The following CPS1 variants were observed in gnomAD, a reference collection of about 807,000 sequenced individuals.
CPS1 encodes carbamoyl-phosphate synthase [ammonia], mitochondrial.
A neutral mutation model predicts 174.6 loss-of-function variants in CPS1; 109 were observed. That is an observed-to-expected ratio of 0.62 (90% CI 0.53 to 0.73). CPS1 has a LOEUF of 0.73. CPS1 is among the 30% of genes least tolerant of loss of function. CPS1 has a pLI of 0.00. For synonymous variants in CPS1, 637 were observed against 632.0 expected, an observed-to-expected ratio of 1.01 and a Z score of -0.12; for missense variants, 1,689 against 1,821.9, an observed-to-expected ratio of 0.93 and a Z score of 1.33.
At chr2:210,643,470 C>T (rs2371007) in intron 25 of CPS1, among the ~76,000 whole-genome samples, 1 of 151,908 alleles carries the variant, frequency 6.6e-6, no homozygotes, top group African/African-American at 2.4e-5. Context: ...AAATTGGAAC[C>T]AAAATACTTA....
At chr2:210,521,596 A>G (rs546395458) in intron 1 of CPS1, among the ~76,000 whole-genome samples, 23 of 152,094 alleles carry the variant, frequency 1.5e-4, no homozygotes, top group African/African-American at 5.3e-4. Context: ...TTCTTCTGCA[A>G]TATATACTTT....
At chr2:210,508,612 C>T (rs1282787112) in intron 1 of CPS1, among the ~76,000 whole-genome samples, 2 of 152,054 alleles carry the variant, frequency 1.3e-5, no homozygotes, top group Non-Finnish European at 2.9e-5. Flanking sequence ...AAAAGATCAA[C>T]AAAATTGATA....
At chr2:210,619,599 C>G (rs1699435700) in intron 21 of CPS1, 1 of 151,826 alleles carries the variant, frequency 6.6e-6, no homozygotes, top group Non-Finnish European at 1.5e-5. Context: ...TCTTAATTTC[C>G]TTTATGATGC....
intron 28 of CPS1, among the ~76,000 whole-genome samples, chr2:210,652,908 AGAG>A (rs1382897999): frequency 2.0e-5 from 3 of 152,214 alleles, no homozygotes; most frequent in Non-Finnish European, 4.4e-5. Flanking sequence ...TTTAAGGCAG[AGAG>A]GAGAAGAAAG....
chr2:210,508,714 C>T (rs1021743388), intron 1 of CPS1, among the ~76,000 whole-genome samples: 2 of 152,178 alleles, frequency 1.3e-5, no homozygotes, highest in African/African-American at 4.8e-5. Context: ...ACTGATCCTA[C>T]AGAAATACAA....
intron 1 of CPS1, among the ~76,000 whole-genome samples, chr2:210,542,558 A>C (rs1696460833): frequency 6.6e-6 from 1 of 151,994 alleles, no homozygotes; most frequent in Non-Finnish European, 1.5e-5. Context: ...CCCTCCTAAC[A>C]AAAACCAATC....
At chr2:210,577,269 CATTG>C (rs1697743544) in intron 3 of CPS1, 148 bp from the exon 4 acceptor site, 4 of 676,166 alleles carry the variant, frequency 5.9e-6, no homozygotes, top group Non-Finnish European at 1.1e-5. Flanking sequence ...AAAAGAAGGG[CATTG>C]ATTTTTTTTT....
intron 12 of CPS1, among the ~76,000 whole-genome samples, chr2:210,595,015 A>T (rs531242160): frequency 6.6e-6 from 1 of 151,978 alleles, no homozygotes; most frequent in African/African-American, 2.4e-5. Flanking sequence ...TGTACTGAGT[A>T]TTATTTTACC....
At chr2:210,484,530 C>A (rs1475859309) in intron 1 of CPS1, among the ~76,000 whole-genome samples, 3 of 152,112 alleles carry the variant, frequency 2.0e-5, no homozygotes, top group African/African-American at 7.2e-5. Context: ...AAACTTGAGA[C>A]ATTTACATTT....
At chr2:210,579,132 A>G (rs915480886) in intron 4 of CPS1, among the ~76,000 whole-genome samples, 9 of 152,224 alleles carry the variant, frequency 5.9e-5, no homozygotes, top group Non-Finnish European at 2.9e-5. Context: ...TTTTTAAAAA[A>G]ATCTTATTTT....
chr2:210,536,106 C>T (rs1696243991), intron 1 of CPS1, among the ~76,000 whole-genome samples: 1 of 152,082 alleles, frequency 6.6e-6, no homozygotes, highest in African/African-American at 2.4e-5. Context: ...AAGTCTATTT[C>T]AGACTTATCA....
At chr2:210,542,251 T>C (rs986149098) in intron 1 of CPS1, among the ~76,000 whole-genome samples, 2 of 152,098 alleles carry the variant, frequency 1.3e-5, no homozygotes, top group African/African-American at 4.8e-5. Flanking sequence ...GAAAACCATG[T>C]GCATGGACAT....
chr2:210,538,262 A>G (rs540866881), intron 1 of CPS1, among the ~76,000 whole-genome samples: 20 of 152,242 alleles, frequency 1.3e-4, no homozygotes, highest in Middle Eastern at 3.4e-3. Flanking sequence ...TATATTTCCT[A>G]TTATAATAAA....
intron 1 of CPS1, among the ~76,000 whole-genome samples, chr2:210,482,676 AAGAG>A (rs34641628): frequency 5.2e-4 from 77 of 149,492 alleles, no homozygotes; most frequent in Admixed American, 1.4e-3. Flanking sequence ...GAGAGAGAGA[AAGAG>A]AGAGAGAGAG....
intron 1 of CPS1, among the ~76,000 whole-genome samples, chr2:210,509,137 T>C (rs1695377834): frequency 6.6e-6 from 1 of 152,160 alleles, no homozygotes; most frequent in South Asian, 2.1e-4. Context: ...CTCAATATAA[T>C]ACTGGCAAAC....
In CPS1 at chr2:210,678,242, C is replaced by T; in HGVS notation, c.*257C>T. On this transcript the variant is annotated 3_prime_UTR_variant, in exon 38 of 38. Transcript: ENST00000233072. ...TGTATTTTTGGTGGACTAGGCTTGC[C>T]TATGTGCTTATGTGTAGCTTTTTAC... is the stretch of plus-strand genomic sequence containing the variant. The T allele has an allele frequency of 7.6e-6, 4 of 526,136 alleles. No individual in the cohort carries two copies. Among genetic ancestry groups the T allele is most frequent in the Non-Finnish European group, 1.0e-5 (3 of 289,956 alleles). The allele number at this position is 526,136 out of a possible 1,614,324, so 32.6% of individuals were successfully genotyped here. A position where few individuals can be genotyped will look rare whatever the true frequency, so the allele number is the denominator to read the frequency against.
rs190613124 is a variant in CPS1, at chr2:210,630,057, A to G, written c.2688-7645A>G. ...CACTGCACTCCAGCCTGGGAGAGAGAGCGAGACTATGTCTCAAAAAACAAA... is the reference window on the plus strand; with the variant it reads ...CACTGCACTCCAGCCTGGGAGAGAGGGCGAGACTATGTCTCAAAAAACAAA... On this transcript the variant is annotated intron_variant, in intron 21 of 37. Coordinates refer to ENST00000233072, the MANE Select transcript of CPS1 (RefSeq NM_001875.5). Among the ~76,000 whole-genome samples, 21 of 151,042 alleles carry G rather than the reference A, an allele frequency of 1.4e-4. No individual in the cohort carries two copies. In the East Asian group the frequency reaches 3.3e-3, roughly 24 times the overall value.
chr2:210,535,176 A>G (rs1696214097), intron 1 of CPS1, among the ~76,000 whole-genome samples: 2 of 152,186 alleles, frequency 1.3e-5, no homozygotes, highest in African/African-American at 4.8e-5. Flanking sequence ...TCTTAAGCTC[A>G]TCTGCCTGAA....
intron 21 of CPS1, among the ~76,000 whole-genome samples, chr2:210,631,020 GTT>G (rs34869171): frequency 9.5e-4 from 135 of 141,642 alleles, no homozygotes; most frequent in East Asian, 2.1e-3. Context: ...CTTTTGGAGT[GTT>G]TTTTTTTTTT....
Sources: allele counts gnomAD v4.1 joint callset (sites outside exome capture counted in the v4.1 genomes callset), GRCh38; gene constraint gnomAD v4.1.1; transcripts MANE v1.5; gene names NCBI Gene and HGNC (gene_info 2026-07-23, HGNC 2026-07-21).